MERTK: variants seen among roughly 807,000 people sequenced by gnomAD.
The protein encoded by MERTK is tyrosine-protein kinase Mer.
In MERTK, 69 loss-of-function variants were observed where a neutral mutation model predicts 99.3. The ratio of observed to expected loss-of-function variants is 0.70; its 90% CI spans 0.57 to 0.85. The LOEUF is 0.85. MERTK is among the 40% of genes least tolerant of loss of function. The pLI, the probability that MERTK is intolerant of heterozygous loss-of-function variation, is 0.00. For missense variants in MERTK, 1,125 were observed against 1,249.4 expected, an observed-to-expected ratio of 0.90 and a Z score of 1.50; for synonymous variants, 426 against 467.6, an observed-to-expected ratio of 0.91 and a Z score of 1.15.
At chr2:111,906,330 A>G (rs1684136165) in intron 1 of MERTK, among the ~76,000 whole-genome samples, 1 of 152,244 alleles carries the variant, frequency 6.6e-6, no homozygotes, top group African/African-American at 2.4e-5. Flanking sequence ...CTCATTAGAT[A>G]CACAAAGAAA....
At position 111,952,037 on chromosome 2, in the gene MERTK, G is replaced by A. The variant is rs565747711; in HGVS notation, c.757+4470G>A. On this transcript the variant is annotated intron_variant, in intron 4 of 18. Transcript: ENST00000295408. ...AACTATTTTAATACCCAAGGCTGTA[G>A]TTTGTCTTAGCTTGGAGATCTGATT... The A allele has an allele frequency of 2.0e-5, 3 of 152,264 alleles. No homozygotes were observed. The South Asian group carries it at 6.2e-4, about 32-fold the overall frequency. The allele number at this position is 152,264 out of a possible 1,614,324, so 9.4% of individuals were successfully genotyped here. A position where few individuals can be genotyped will look rare whatever the true frequency, so the allele number is the denominator to read the frequency against.
chr2:112,005,673 T>C, intron 13 of MERTK, among the ~76,000 whole-genome samples: 1 of 152,206 alleles, frequency 6.6e-6, no homozygotes, highest in East Asian at 1.9e-4. Context: ...TCATGAATCA[T>C]GGATGGAGAT....
intron 8 of MERTK, among the ~76,000 whole-genome samples, chr2:111,993,227 A>G (rs1227485688): frequency 6.6e-6 from 1 of 152,170 alleles, no homozygotes; most frequent in African/African-American, 2.4e-5. Context: ...ATTTAGAAAC[A>G]GTCTCTGGAT....
chr2:111,967,005 C>T (rs540328520), intron 5 of MERTK, among the ~76,000 whole-genome samples: 10 of 152,162 alleles, frequency 6.6e-5, no homozygotes, highest in Non-Finnish European at 1.3e-4. Flanking sequence ...TGGTACTATC[C>T]CCATTTATAG....
chr2:111,940,865 CG>C lies in MERTK; in HGVS notation c.483-4092del. On this transcript the variant is annotated intron_variant, in intron 2 of 18. Coordinates refer to ENST00000295408, the MANE Select transcript of MERTK (RefSeq NM_006343.3). ...TCTCTGAGATACTTTTGAAAGAACT[CG>C]GGCCAGTCACTGCTGTGGATGTTTC... The C allele has an allele frequency of 3.8e-6, 3 of 785,748 alleles. No individual in the cohort carries two copies. In the South Asian group the frequency reaches 4.0e-5, roughly 11 times the overall value. 48.7% of individuals were successfully genotyped at this position (785,748 alleles called of 1,614,324 possible). A position where few individuals can be genotyped will look rare whatever the true frequency, so the allele number is the denominator to read the frequency against.
At chr2:111,979,645 A>G (rs1676325843) in intron 7 of MERTK, among the ~76,000 whole-genome samples, 1 of 150,548 alleles carries the variant, frequency 6.6e-6, no homozygotes, top group Non-Finnish European at 1.5e-5. Context: ...AAATTGGCCT[A>G]TTTTCTTTGC....
intron 4 of MERTK, among the ~76,000 whole-genome samples, chr2:111,954,245 C>T (rs943422171): frequency 1.3e-5 from 2 of 152,180 alleles, no homozygotes; most frequent in Non-Finnish European, 2.9e-5. Flanking sequence ...ATGAACTTTT[C>T]GCAGGCCCAT....
chr2:111,974,629 C>T (rs914734490), intron 6 of MERTK, among the ~76,000 whole-genome samples: 7 of 151,670 alleles, frequency 4.6e-5, no homozygotes, highest in East Asian at 1.9e-4. Context: ...ATTAGCTGTG[C>T]GTGGTGGCAC....
chr2:111,911,001 G>C (rs1368252226), intron 1 of MERTK, among the ~76,000 whole-genome samples: 2 of 152,140 alleles, frequency 1.3e-5, no homozygotes, highest in Non-Finnish European at 2.9e-5. Flanking sequence ...AATTAAAGCA[G>C]CTTTTAAAAA....
In MERTK at chr2:112,003,171, A is replaced by G. The variant is rs1338302913; in HGVS notation, c.1770A>G (p.Gly590=). 2 of 1,583,090 alleles carry G rather than the reference A, an allele frequency of 1.3e-6. No homozygotes were observed. Among genetic ancestry groups the G allele is most frequent in the South Asian group, 1.1e-5 (1 of 90,494 alleles). ...VVIDRNLLIL[G]KILGEGEFGS... is the part of the protein sequence containing the mutation. ...TTGACAGGAATCTTCTAATTCTTGG[A>G]AAAATTCTGGGTGAAGGTAAGCAAT... Residue 590 remains glycine, a synonymous_variant, in exon 12 of 19, where the codon GGA becomes GGG. Transcript: ENST00000295408.
chr2:112,001,605 T>C (rs4519530), intron 11 of MERTK, among the ~76,000 whole-genome samples: 94,666 of 152,002 alleles, frequency 0.62, 29,886 homozygotes, highest in Middle Eastern at 0.69. Flanking sequence ...TTCTAACTAG[T>C]GAACATAATC....
At chr2:111,974,029 C>G (rs139530579) in intron 6 of MERTK, among the ~76,000 whole-genome samples, 1 of 148,202 alleles carries the variant, frequency 6.7e-6, no homozygotes, top group Non-Finnish European at 1.5e-5. Context: ...ATCTACATTT[C>G]CTGTGTGTGC....
At chr2:112,015,909 A>G (rs947529211) in intron 15 of MERTK, 5 of 154,156 alleles carry the variant, frequency 3.2e-5, no homozygotes, top group Non-Finnish European at 5.9e-5. Flanking sequence ...GCAAAAGACT[A>G]TCTTAATCCA....
intron 4 of MERTK, among the ~76,000 whole-genome samples, chr2:111,954,779 G>A (rs770407180): frequency 1.5e-4 from 23 of 152,218 alleles, no homozygotes; most frequent in Non-Finnish European, 3.1e-4. Flanking sequence ...GAGGAAGGGC[G>A]TGGGGCCCAG....
At chr2:111,925,277 T>TAGATAG (rs1558773454) in intron 1 of MERTK, among the ~76,000 whole-genome samples, 2 of 44,950 alleles carry the variant, frequency 4.4e-5, no homozygotes, top group Non-Finnish European at 8.2e-5. Flanking sequence ...ACAGATCAGA[T>TAGATAG]ATATATATAT....
At position 111,947,444 on chromosome 2, in the gene MERTK, A is replaced by C. The variant is rs2104704629; in HGVS notation, c.634A>C (p.Thr212Pro). ...QPESMNVTRNTAFNLTCQAVG... is the reference protein window; with the variant it reads ...QPESMNVTRNPAFNLTCQAVG... The stretch of plus-strand genomic sequence containing the variant: ...TGAGAGCATGAATGTCACCAGAAAC[A>C]CAGCCTTCAACCTCACCTGTCAGGC... Residue 212 changes from threonine (T) to proline (P), a missense_variant, in exon 4 of 19, where the codon ACA becomes CCA. Physicochemically the swap from Thr to Pro is conservative, Grantham distance 38 (BLOSUM62 -1). Transcript: ENST00000295408. 2.9e-5 allele frequency: 47 copies of C among 1,614,142 alleles called. No individual in the cohort carries two copies. The highest frequency in any genetic ancestry group is 4.0e-5 in the Non-Finnish European group (47 of 1,180,030).
intron 8 of MERTK, among the ~76,000 whole-genome samples, chr2:111,991,829 T>C (rs1676625748): frequency 6.6e-6 from 1 of 152,146 alleles, no homozygotes; most frequent in Admixed American, 6.5e-5. Flanking sequence ...CCCTTGTTGT[T>C]TCCTAAGGGA....
chr2:112,005,950 C>T (rs1256739067), intron 13 of MERTK, among the ~76,000 whole-genome samples: 3 of 152,052 alleles, frequency 2.0e-5, no homozygotes, highest in African/African-American at 7.2e-5. Context: ...GGCATGAACT[C>T]GGCTCACTGC....
chr2:112,017,222 G>A (rs576968816), intron 15 of MERTK, among the ~76,000 whole-genome samples: 1 of 152,262 alleles, frequency 6.6e-6, no homozygotes, highest in Non-Finnish European at 1.5e-5. Flanking sequence ...GACACAGAGT[G>A]CTGATTGGTG....
Sources: gnomAD v4.1 joint callset for allele counts (sites outside exome capture counted in the v4.1 genomes callset) on GRCh38, gnomAD v4.1.1 for gene constraint, MANE v1.5 for transcripts, NCBI Gene and HGNC (gene_info 2026-07-23, HGNC 2026-07-21) for gene names.